CCDC141: variants seen among roughly 807,000 people sequenced by gnomAD.
CCDC141 encodes coiled-coil domain containing 141.
A neutral mutation model predicts 181.0 loss-of-function variants in CCDC141; 168 were observed. That is an observed-to-expected ratio of 0.93 (90% CI 0.82 to 1.05). CCDC141 has a LOEUF of 1.05. Ranked by LOEUF, CCDC141 falls within the 50% of genes least tolerant of loss-of-function variation. The probability of loss-of-function intolerance (pLI) is 0.00; values close to 1 mark genes in which losing one functional copy is unlikely to be tolerated. For missense variants in CCDC141, 1,902 were observed against 1,788.5 expected, an observed-to-expected ratio of 1.06 and a Z score of -1.14; for synonymous variants, 666 against 642.3, an observed-to-expected ratio of 1.04 and a Z score of -0.56.
At chr2:178,883,568 G>T (rs1686729121) in intron 11 of CCDC141, among the ~76,000 whole-genome samples, 1 of 152,108 alleles carries the variant, frequency 6.6e-6, no homozygotes, top group South Asian at 2.1e-4. Flanking sequence ...CAGGACAGTG[G>T]TGGTGAGAGG....
chr2:178,841,593 A>G (rs1222608664), intron 22 of CCDC141, among the ~76,000 whole-genome samples: 1 of 152,190 alleles, frequency 6.6e-6, no homozygotes, highest in Non-Finnish European at 1.5e-5. Context: ...TGCAAATAAG[A>G]TTTCCGTTTT....
chr2:178,844,681 A>G (rs944359603), intron 22 of CCDC141, among the ~76,000 whole-genome samples: 7 of 152,202 alleles, frequency 4.6e-5, no homozygotes, highest in Non-Finnish European at 8.8e-5. Flanking sequence ...GACCTATAAG[A>G]AAGCTGAAAG....
chr2:178,862,393 ACAT>A (rs1685659897), intron 17 of CCDC141, among the ~76,000 whole-genome samples: 1 of 152,338 alleles, frequency 6.6e-6, no homozygotes, highest in Admixed American at 6.5e-5. Context: ...ATTTCCATTA[ACAT>A]CATGTAAATG....
intron 4 of CCDC141, among the ~76,000 whole-genome samples, chr2:178,974,623 A>G (rs1373797560): frequency 2.0e-5 from 3 of 152,186 alleles, no homozygotes; most frequent in African/African-American, 7.2e-5. Context: ...TGAAAGAGGA[A>G]TTTTGCTGAT....
At chr2:179,043,406 A>G (rs2043378854) in intron 2 of CCDC141, among the ~76,000 whole-genome samples, 1 of 152,162 alleles carries the variant, frequency 6.6e-6, no homozygotes, top group Admixed American at 6.5e-5. Context: ...CAAAAAAAGG[A>G]AACTCCAGGC....
In CCDC141 at chr2:178,832,847, G is replaced by A. The variant is rs1684314027; in HGVS notation, c.*1326C>T. 6.6e-6 allele frequency: 1 copy of A among 152,030 alleles called. No homozygotes were observed. The highest frequency in any genetic ancestry group is 2.1e-4 in the South Asian group (1 of 4,818). 9.4% of individuals were successfully genotyped at this position (152,030 alleles called of 1,614,324 possible). ...TAAGACTACATTTAAAATCTAAGAA[G>A]CAAATGCTTCCCTACTTCAAGCTTA... On this transcript the variant is annotated 3_prime_UTR_variant, in exon 24 of 24. Coordinates refer to ENST00000443758, the MANE Select transcript of CCDC141 (RefSeq NM_173648.4).
chr2:178,878,950 A>C (rs1686473297), intron 11 of CCDC141, among the ~76,000 whole-genome samples: 2 of 152,220 alleles, frequency 1.3e-5, no homozygotes, highest in Non-Finnish European at 2.9e-5. Context: ...ATTTACTTCT[A>C]ATCAGCAATA....
intron 2 of CCDC141, among the ~76,000 whole-genome samples, chr2:178,988,170 G>A (rs1037507483): frequency 5.9e-5 from 9 of 151,984 alleles, no homozygotes; most frequent in Non-Finnish European, 1.0e-4. Flanking sequence ...TCCTTTGTAG[G>A]GACATGTATG....
chr2:178,852,156 T>C (rs1219563416), intron 20 of CCDC141, among the ~76,000 whole-genome samples: 1 of 152,182 alleles, frequency 6.6e-6, no homozygotes, highest in African/African-American at 2.4e-5. Context: ...CAAATACCTA[T>C]ATAAAATGTC....
intron 20 of CCDC141, among the ~76,000 whole-genome samples, chr2:178,852,615 T>C (rs538640934): frequency 2.6e-5 from 4 of 152,344 alleles, no homozygotes; most frequent in Admixed American, 6.5e-5. Flanking sequence ...CCATGGATAG[T>C]GTTTCATGTT....
downstream of CCDC141, among the ~76,000 whole-genome samples, chr2:178,828,879 AC>A: frequency 6.6e-6 from 1 of 152,338 alleles, no homozygotes; most frequent in South Asian, 2.1e-4. Context: ...TAAAATGCAT[AC>A]ATAAGATAAA....
At chr2:178,866,836 C>T (rs942397634) in intron 16 of CCDC141, among the ~76,000 whole-genome samples, 4 of 152,168 alleles carry the variant, frequency 2.6e-5, no homozygotes, top group Non-Finnish European at 1.5e-5. Context: ...AGCGATTCTT[C>T]TGCCTCAGCC....
At chr2:178,906,502 G>A (rs142796980) in intron 7 of CCDC141, among the ~76,000 whole-genome samples, 31 of 152,286 alleles carry the variant, frequency 2.0e-4, no homozygotes, top group African/African-American at 6.3e-4. Flanking sequence ...GGCATGGGAG[G>A]TCTTGCCACA....
chr2:178,871,169 A>G (rs191112192), intron 14 of CCDC141, among the ~76,000 whole-genome samples: 1 of 152,366 alleles, frequency 6.6e-6, no homozygotes, highest in African/African-American at 2.4e-5. Flanking sequence ...TAGTTTAATT[A>G]GCCATGTGAA....
intron 23 of CCDC141, 63 bp downstream of exon 23, chr2:178,836,831 G>T: frequency 6.5e-7 from 1 of 1,540,678 alleles, no homozygotes; most frequent in Non-Finnish European, 8.7e-7. Context: ...AGTGCTCACA[G>T]AATGATTTTT....
At position 178,856,302 on chromosome 2, in the gene CCDC141, A is replaced by C; in HGVS notation, c.2820T>G (p.Leu940=). 6.2e-7 allele frequency: 1 copy of C among 1,610,718 alleles called. No homozygotes were observed. The highest frequency in any genetic ancestry group is 8.5e-7 in the Non-Finnish European group (1 of 1,178,610). Residue 940 remains leucine, a synonymous_variant, in exon 18 of 24, where the codon CTT becomes CTG. Coordinates refer to ENST00000443758, the MANE Select transcript of CCDC141 (RefSeq NM_173648.4). ...KNEKSRNLKA[L]KYQIQQVDMY... ...TATCAACTTGCTGAATTTGATATTT[A>C]AGCGCCTTCAGATTCCGAGATTTTT... is the stretch of plus-strand genomic sequence containing the variant.
rs1217065833 is a variant in CCDC141 at position 178,845,641 on chromosome 2, A to T, written c.3459T>A (p.Asn1153Lys). 1.3e-6 allele frequency: 2 copies of T among 1,590,658 alleles called. No individual in the cohort carries two copies. The highest frequency in any genetic ancestry group is 8.6e-7 in the Non-Finnish European group (1 of 1,158,942). Residue 1153 changes from asparagine to lysine, a missense_variant, in exon 22 of 24, where the codon AAT (asparagine) becomes AAA (lysine). Asn to Lys is a moderately conservative substitution (Grantham distance 94). Coordinates refer to ENST00000443758, the MANE Select transcript of CCDC141 (RefSeq NM_173648.4). ...EPAKNKQTIFNEERNKGQVQV... is the reference protein window; with the variant it reads ...EPAKNKQTIFKEERNKGQVQV... Reference sequence around the variant, plus strand: ...TTTTCTTTACCTTATTCCTTTCTTCATTGAATATTGTCTGCTTATTTTTTG... The same window carrying T: ...TTTTCTTTACCTTATTCCTTTCTTCTTTGAATATTGTCTGCTTATTTTTTG...
At chr2:178,946,456 T>C (rs1689737633) in intron 5 of CCDC141, among the ~76,000 whole-genome samples, 1 of 152,196 alleles carries the variant, frequency 6.6e-6, no homozygotes, top group African/African-American at 2.4e-5. Context: ...TACAACTGAC[T>C]TCCAGAGATA....
At chr2:178,980,862 A>G (rs1260588960) in intron 2 of CCDC141, among the ~76,000 whole-genome samples, 1 of 152,232 alleles carries the variant, frequency 6.6e-6, no homozygotes, top group Non-Finnish European at 1.5e-5. Flanking sequence ...GTTGTCAATT[A>G]TACCTCAATA....
Sources: gnomAD v4.1 joint callset for allele counts (sites outside exome capture counted in the v4.1 genomes callset) on GRCh38, gnomAD v4.1.1 for gene constraint, MANE v1.5 for transcripts, NCBI Gene and HGNC (gene_info 2026-07-23, HGNC 2026-07-21) for gene names.